CSMD1: variants seen among roughly 807,000 people sequenced by gnomAD.
CSMD1 encodes CUB and sushi domain-containing protein 1.
Under a neutral mutation model 417.5 loss-of-function variants are expected in CSMD1, and 213 were observed. The ratio of observed to expected loss-of-function variants is 0.51; its 90% confidence interval spans 0.46 to 0.57. The LOEUF is 0.57. Among genes scored for constraint, CSMD1 ranks in the 20% least tolerant of loss-of-function variants. CSMD1 has a pLI of 0.00. For synonymous variants in CSMD1, 2,862 were observed against 1,736.8 expected, an observed-to-expected ratio of 1.65 and a Z score of -16.11; for missense variants, 6,923 against 4,529.7, an observed-to-expected ratio of 1.53 and a Z score of -15.17.
At chr8:4,032,959 A>C (rs961060522) in intron 3 of CSMD1, among the ~76,000 whole-genome samples, 1 of 151,920 alleles carries the variant, frequency 6.6e-6, no homozygotes, top group East Asian at 1.9e-4. Context: ...AGGCTCCTCA[A>C]TTCCGATACG....
At chr8:4,229,098 T>G (rs1280242401) in intron 3 of CSMD1, among the ~76,000 whole-genome samples, 1 of 152,224 alleles carries the variant, frequency 6.6e-6, no homozygotes, top group Non-Finnish European at 1.5e-5. Context: ...CACTCCCAAG[T>G]GTGCTTTTCC....
intron 5 of CSMD1, among the ~76,000 whole-genome samples, chr8:3,948,633 A>G (rs1175875972): frequency 1.3e-5 from 2 of 152,170 alleles, no homozygotes; most frequent in Admixed American, 1.3e-4. Flanking sequence ...ACTGCTTTCC[A>G]TTATCTAAAA....
At chr8:3,707,102 C>T (rs1801213353) in intron 7 of CSMD1, among the ~76,000 whole-genome samples, 1 of 152,120 alleles carries the variant, frequency 6.6e-6, no homozygotes. Flanking sequence ...CCTCTCTGTC[C>T]TCTCAACCTG....
chr8:4,017,161 T>A (rs989165155), intron 4 of CSMD1, among the ~76,000 whole-genome samples: 1 of 152,208 alleles, frequency 6.6e-6, no homozygotes, highest in African/African-American at 2.4e-5. Context: ...GCAATACACT[T>A]TTGTGTATGT....
intron 12 of CSMD1, among the ~76,000 whole-genome samples, chr8:3,453,754 G>A (rs1048383939): frequency 7.9e-5 from 12 of 152,260 alleles, no homozygotes; most frequent in African/African-American, 2.9e-4. Flanking sequence ...TTTTGGAATA[G>A]GTGTGGTATG....
At position 4,738,970 on chromosome 8, in the gene CSMD1, A is replaced by G. The variant is rs1310239404; in HGVS notation, c.86-101412T>C. Among the ~76,000 whole-genome samples, 10 of 151,440 alleles carry G rather than the reference A, an allele frequency of 6.6e-5. No individual in the cohort carries two copies. In the Admixed American group the frequency reaches 6.6e-4, roughly 10 times the overall value. On this transcript the variant is annotated intron_variant, in intron 1 of 69. Transcript: ENST00000635120. ...AAATTTTGAAGGGCTTGAATAATAT[A>G]CCTTCTCTTGGGAAAATAATCTTAA...
intron 12 of CSMD1, among the ~76,000 whole-genome samples, chr8:3,429,211 CTGAACGT>C (rs553556528): frequency 0.042 from 6,441 of 152,080 alleles, 179 homozygotes; most frequent in Non-Finnish European, 0.066. Flanking sequence ...TAAAGAAACG[CTGAACGT>C]TGGAGATGAT....
At chr8:4,743,007 G>T (rs1198501545) in intron 1 of CSMD1, among the ~76,000 whole-genome samples, 1 of 152,124 alleles carries the variant, frequency 6.6e-6, no homozygotes, top group Non-Finnish European at 1.5e-5. Flanking sequence ...ATGCTTCACT[G>T]TGTTTGGAGA....
chr8:3,102,553 T>C (rs1815832300), intron 46 of CSMD1, among the ~76,000 whole-genome samples: 2 of 152,156 alleles, frequency 1.3e-5, no homozygotes, highest in African/African-American at 2.4e-5. Flanking sequence ...GATTTAGACA[T>C]GTGCCACTTA....
chr8:4,687,523 G>C (rs893168732), intron 1 of CSMD1, among the ~76,000 whole-genome samples: 1 of 152,164 alleles, frequency 6.6e-6, no homozygotes, highest in African/African-American at 2.4e-5. Flanking sequence ...CTCTGGGAAG[G>C]TTTCTTGGTT....
At chr8:3,865,361 T>C (rs536088189) in intron 5 of CSMD1, among the ~76,000 whole-genome samples, 11 of 152,192 alleles carry the variant, frequency 7.2e-5, no homozygotes, top group African/African-American at 2.7e-4. Flanking sequence ...GGTATGAAAC[T>C]GGGTTTGCAA....
intron 3 of CSMD1, among the ~76,000 whole-genome samples, chr8:4,346,422 C>A (rs1213988642): frequency 6.6e-6 from 1 of 152,088 alleles, no homozygotes; most frequent in African/African-American, 2.4e-5. Context: ...GGGAGTATGA[C>A]CCACACAGTA....
chr8:3,777,492 T>C (rs1326213486), intron 5 of CSMD1, among the ~76,000 whole-genome samples: 5 of 152,172 alleles, frequency 3.3e-5, no homozygotes, highest in Non-Finnish European at 5.9e-5. Context: ...TAAGAGATGA[T>C]GGGCTGAGGA....
At chr8:2,950,180 G>C (rs1426812519) in intron 67 of CSMD1, 51 bp downstream of exon 67, 5 of 1,184,798 alleles carry the variant, frequency 4.2e-6, no homozygotes, top group African/African-American at 3.0e-5. Context: ...TCTGCACAGA[G>C]AGATGATTAG....
At chr8:4,762,196 T>C (rs10096929) in intron 1 of CSMD1, among the ~76,000 whole-genome samples, 1,984 of 152,234 alleles carry the variant, frequency 0.013, 30 homozygotes, top group African/African-American at 0.045. Context: ...ATATTTATAA[T>C]TGTTGTGCTA....
chr8:4,177,973 G>C (rs1349484338), intron 3 of CSMD1, among the ~76,000 whole-genome samples: 1 of 152,130 alleles, frequency 6.6e-6, no homozygotes, highest in Non-Finnish European at 1.5e-5. Context: ...AGGATCATAT[G>C]GACTCACAGC....
chr8:4,124,069 T>C (rs745587806), intron 3 of CSMD1, among the ~76,000 whole-genome samples: 1 of 152,110 alleles, frequency 6.6e-6, no homozygotes, highest in Non-Finnish European at 1.5e-5. Context: ...ACACACAGAC[T>C]TCTACGCACA....
chr8:4,433,848 C>G lies in CSMD1; in HGVS notation c.303-13783G>C, dbSNP rs189084110. 2.0e-3 allele frequency among the ~76,000 whole-genome samples: 299 copies of G among 151,976 alleles called. 4 individuals are homozygous for G. Among genetic ancestry groups the G allele is most frequent in the Non-Finnish European group, 1.4e-3 (97 of 67,956 alleles). On this transcript the variant is annotated intron_variant, in intron 2 of 69. Coordinates refer to ENST00000635120, the MANE Select transcript of CSMD1 (RefSeq NM_033225.6). ...AATCTGGAAAAAAAGGGAAAAAAGA[C>G]TGGAATCTAAAGCACACAGGCACAG...
chr8:3,915,228 A>C (rs1203916171), intron 5 of CSMD1, among the ~76,000 whole-genome samples: 2 of 151,992 alleles, frequency 1.3e-5, no homozygotes, highest in African/African-American at 4.8e-5. Flanking sequence ...CAACATCACG[A>C]AACTCTGCCT....
Sources: allele counts gnomAD v4.1 joint callset (sites outside exome capture counted in the v4.1 genomes callset), GRCh38; gene constraint gnomAD v4.1.1; transcripts MANE v1.5; gene names NCBI Gene and HGNC (gene_info 2026-07-23, HGNC 2026-07-21).